The following RBM6 variants were observed in gnomAD, a reference collection of about 807,000 sequenced individuals.
The protein encoded by RBM6 is RNA binding motif protein 6.
A neutral mutation model predicts 140.4 loss-of-function variants in RBM6; 23 were observed. That is an observed-to-expected ratio of 0.16 (90% confidence interval 0.12 to 0.23). RBM6 has a LOEUF of 0.23. RBM6 is among the 10% of genes least tolerant of loss of function. The pLI, the probability that RBM6 is intolerant of heterozygous loss-of-function variation, is 1.00. For synonymous variants in RBM6, 439 were observed against 475.6 expected, an observed-to-expected ratio of 0.92 and a Z score of 1.00; for missense variants, 1,139 against 1,386.7, an observed-to-expected ratio of 0.82 and a Z score of 2.84.
At chr3:49,946,589 G>C (rs561404385) in intron 1 of RBM6, among the ~76,000 whole-genome samples, 3 of 152,142 alleles carry the variant, frequency 2.0e-5, no homozygotes, top group Admixed American at 2.0e-4. Context: ...AGGCCGGAGT[G>C]AAGTGGCATG....
Position 50,061,466 on chromosome 3 carries a change from A to C in RBM6, c.2358A>C (p.Ser786=), listed in dbSNP as rs1214068500. 1 of 1,591,784 alleles carries C rather than the reference A, an allele frequency of 6.3e-7. No homozygotes were observed. Among genetic ancestry groups the C allele is most frequent in the Admixed American group, 1.9e-5 (1 of 52,708 alleles). Residue 786 remains serine (S), a synonymous_variant, in exon 14 of 21, where the codon TCA becomes TCC. Transcript: ENST00000266022. The part of the protein sequence containing the change: ...SDTNRQGQQS[S]SDCYIYDSAT... ...CTCTGATCTTGTTACCTTTAGCATC[A>C]TCTGACTGCTACATATATGATTCTG...
chr3:50,065,145 C>T lies in RBM6; in HGVS notation c.2682+19C>T, dbSNP rs768767330. 7 of 1,576,928 alleles carry T rather than the reference C, an allele frequency of 4.4e-6. No individual in the cohort carries two copies. Among genetic ancestry groups the T allele is most frequent in the Non-Finnish European group, 2.6e-6 (3 of 1,151,566 alleles). On this transcript the variant is annotated intron_variant, in intron 16 of 20. Coordinates refer to ENST00000266022, the MANE Select transcript of RBM6 (RefSeq NM_005777.3). ...CCCTCCAGTAAGACCAACATTGATC[C>T]CCTGGACCTAGGGCTGGGGCTGGGG...
intron 6 of RBM6, among the ~76,000 whole-genome samples, chr3:50,003,872 GAGCC>G (rs2108748285): frequency 6.6e-6 from 1 of 152,352 alleles, no homozygotes; most frequent in Non-Finnish European, 1.5e-5. Context: ...CTGTCAGGCA[GAGCC>G]TTTCGTTCCA....
intron 1 of RBM6, among the ~76,000 whole-genome samples, chr3:49,959,861 CA>C (rs1481819407): frequency 6.6e-6 from 1 of 152,170 alleles, no homozygotes; most frequent in Non-Finnish European, 1.5e-5. Flanking sequence ...CATGAGCCCC[CA>C]CGCCCGGCCT....
chr3:49,975,966 T>G (rs1310089726), intron 5 of RBM6, among the ~76,000 whole-genome samples: 3 of 152,172 alleles, frequency 2.0e-5, no homozygotes, highest in African/African-American at 4.8e-5. Context: ...CTAGTTGTAT[T>G]TCACAGTACC....
intron 1 of RBM6, among the ~76,000 whole-genome samples, chr3:49,955,860 C>CTCTCTCTCTG (rs1553637396): frequency 4.8e-5 from 7 of 145,476 alleles, no homozygotes; most frequent in Non-Finnish European, 7.5e-5. Context: ...CTCTCTCTCT[C>CTCTCTCTCTG]TGTGTGTGTG....
chr3:50,068,901 C>A, intron 18 of RBM6, 137 bp downstream of exon 18: 1 of 650,488 alleles, frequency 1.5e-6, no homozygotes, highest in Non-Finnish European at 2.6e-6. Context: ...CATACATTTG[C>A]CAAATTATAT....
chr3:50,012,199 T>C (rs1192443986), intron 6 of RBM6, among the ~76,000 whole-genome samples: 1 of 152,054 alleles, frequency 6.6e-6, no homozygotes, highest in African/African-American at 2.4e-5. Flanking sequence ...GGGATACATT[T>C]ACATTTTTAA....
At chr3:49,954,426 C>T (rs554614135) in intron 1 of RBM6, among the ~76,000 whole-genome samples, 257 of 142,170 alleles carry the variant, frequency 1.8e-3, no homozygotes, top group Admixed American at 5.3e-3. Flanking sequence ...GGCGACAGAG[C>T]GAGACTCCAT....
chr3:49,986,716 T>C (rs896119501), intron 5 of RBM6, among the ~76,000 whole-genome samples: 1 of 151,868 alleles, frequency 6.6e-6, no homozygotes, highest in Non-Finnish European at 1.5e-5. Context: ...TTCTCTCTCT[T>C]CTCTTCTCCT....
chr3:50,025,115 TG>T (rs1281052304), intron 6 of RBM6, among the ~76,000 whole-genome samples: 3 of 150,638 alleles, frequency 2.0e-5, no homozygotes, highest in African/African-American at 7.3e-5. Flanking sequence ...CTATGGCAAA[TG>T]ATGTTTTTTC....
chr3:49,989,851 A>G (rs2085737176), intron 5 of RBM6, among the ~76,000 whole-genome samples: 1 of 152,054 alleles, frequency 6.6e-6, no homozygotes, highest in Non-Finnish European at 1.5e-5. Context: ...GATTCAAGCC[A>G]TTCTCGTGCC....
chr3:50,031,928 G>A (rs964586105), intron 6 of RBM6, among the ~76,000 whole-genome samples: 4 of 152,114 alleles, frequency 2.6e-5, no homozygotes, highest in African/African-American at 7.2e-5. Context: ...TTGCATGCCT[G>A]TATCAAAACA....
chr3:49,944,050 G>T (rs1300439344), intron 1 of RBM6, among the ~76,000 whole-genome samples: 2 of 152,078 alleles, frequency 1.3e-5, no homozygotes, highest in African/African-American at 4.8e-5. Flanking sequence ...CTACTTAGTA[G>T]TAGTAAGTAC....
At chr3:49,947,575 T>C (rs1404420544) in intron 1 of RBM6, among the ~76,000 whole-genome samples, 1 of 152,200 alleles carries the variant, frequency 6.6e-6, no homozygotes, top group Non-Finnish European at 1.5e-5. Context: ...TAGTGTCTTT[T>C]GATGCACAGA....
intron 19 of RBM6, among the ~76,000 whole-genome samples, chr3:50,073,118 G>A (rs1156785054): frequency 6.6e-6 from 1 of 152,142 alleles, no homozygotes; most frequent in African/African-American, 2.4e-5. Context: ...CAGCATCATA[G>A]CATCACTGTC....
chr3:50,066,177 T>C, intron 16 of RBM6, 65 bp from the exon 17 acceptor site: 1 of 1,495,988 alleles, frequency 6.7e-7, no homozygotes, highest in South Asian at 1.3e-5. Flanking sequence ...TATCAGAATA[T>C]CAAAAAAAAT....
intron 20 of RBM6, 131 bp from the exon 21 acceptor site, chr3:50,076,877 C>T: frequency 1.2e-6 from 1 of 850,924 alleles, no homozygotes; most frequent in East Asian, 3.2e-5. Context: ...GAGCATGACT[C>T]CATCTAAAAA....
At chr3:50,028,292 T>A (rs564905209) in intron 6 of RBM6, among the ~76,000 whole-genome samples, 1 of 152,294 alleles carries the variant, frequency 6.6e-6, no homozygotes, top group South Asian at 2.1e-4. Context: ...GTCTAGTTCC[T>A]GAGTTAAGAA....
Sources: gnomAD v4.1 joint callset for allele counts (sites outside exome capture counted in the v4.1 genomes callset) on GRCh38, gnomAD v4.1.1 for gene constraint, MANE v1.5 for transcripts, NCBI Gene and HGNC (gene_info 2026-07-23, HGNC 2026-07-21) for gene names.